The following MAP4 variants were observed in gnomAD, a reference collection of about 807,000 sequenced individuals.
MAP4 encodes microtubule associated protein 4, also known as microtubule-associated protein 4.
MAP4 carries 76 observed loss-of-function variants against 170.2 expected under a neutral mutation model. The ratio of observed to expected loss-of-function variants is 0.45; its 90% CI spans 0.37 to 0.54. MAP4 has a LOEUF of 0.54. Ranked by LOEUF, MAP4 falls within the 20% of genes least tolerant of loss-of-function variation. MAP4 has a pLI of 0.00. For missense variants in MAP4, 2,506 were observed against 2,748.0 expected (o/e 0.91, Z 1.97); for synonymous variants, 909 against 994.5 (o/e 0.91, Z 1.62).
At position 47,960,254 on chromosome 3, in the gene MAP4, T is replaced by C. The variant is rs376703446; in HGVS notation, c.292+17611A>G. ...TAGTTTTGTTTTTCTTTTTTCATCT[T>C]ATTCAGTATATTTCAGGCTATTCAG... On this transcript the variant is annotated intron_variant, in intron 3 of 20. Transcript: ENST00000683076. 8 of 205,164 alleles carry C rather than the reference T, an allele frequency of 3.9e-5. No homozygotes were observed. In the East Asian group the frequency reaches 6.7e-4, roughly 17 times the overall value. The allele number at this position is 205,164 out of a possible 1,614,324, so 12.7% of individuals were successfully genotyped here.
chr3:47,852,958 G>A lies in MAP4; in HGVS notation c.6887-20C>T, dbSNP rs1034436271. On this transcript the variant is annotated intron_variant, in intron 20 of 20. Coordinates refer to ENST00000683076, the MANE Select transcript of MAP4 (RefSeq NM_001385682.1). Reference sequence around the variant, plus strand: ...CTCAATCTGCAGTGACATGGGAGGAGGGAAGGGAGAGGGGAACAGGGGAGA... The same window carrying A: ...CTCAATCTGCAGTGACATGGGAGGAAGGAAGGGAGAGGGGAACAGGGGAGA... 6 of 1,613,916 alleles carry A rather than the reference G, an allele frequency of 3.7e-6. No homozygotes were observed. The highest frequency in any genetic ancestry group is 3.3e-5 in the Admixed American group (2 of 60,000).
intron 17 of MAP4, among the ~76,000 whole-genome samples, chr3:47,862,978 T>G (rs2070506926): frequency 6.6e-6 from 1 of 151,990 alleles, no homozygotes; most frequent in African/African-American, 2.4e-5. Flanking sequence ...TTTTTTTTTT[T>G]TGGTTTTTGT....
At position 47,871,032 on chromosome 3, in the gene MAP4, G is replaced by A. The variant is rs774341413; in HGVS notation, c.6075C>T (p.Pro2025=). The change falls in exon 15 of 21, where the codon CCC becomes CCT. Residue 2025 remains proline, a synonymous_variant. Coordinates refer to ENST00000683076, the MANE Select transcript of MAP4 (RefSeq NM_001385682.1). ...KKTTTLSGTA[P]AAGVVPSRVK... ...CTCGGCTGGGAACCACCCCTGCAGCGGGGGCTGTCCCACTGAGAGTGGTGG... is the reference window on the plus strand; with the variant it reads ...CTCGGCTGGGAACCACCCCTGCAGCAGGGGCTGTCCCACTGAGAGTGGTGG... 3.2e-5 allele frequency: 51 copies of A among 1,613,838 alleles called. No individual in the cohort carries two copies. The highest frequency in any genetic ancestry group is 6.7e-5 in the Admixed American group (4 of 59,990).
intron 3 of MAP4, among the ~76,000 whole-genome samples, chr3:47,933,595 G>A (rs1577892230): frequency 7.2e-6 from 1 of 138,980 alleles, no homozygotes; most frequent in South Asian, 2.3e-4. Context: ...ATGCCATCCT[G>A]CCCAGCTTTT....
chr3:47,974,500 T>C, intron 3 of MAP4: 1 of 984,212 alleles, frequency 1.0e-6, no homozygotes, highest in East Asian at 1.1e-4. Flanking sequence ...TGAAATAATC[T>C]GTACCTTGGG....
At chr3:47,980,099 T>C (rs1195588394) in intron 2 of MAP4, among the ~76,000 whole-genome samples, 4 of 152,138 alleles carry the variant, frequency 2.6e-5, no homozygotes, top group Admixed American at 2.6e-4. Context: ...TCCCAAAGTG[T>C]TGGTATTACA....
At chr3:48,071,929 A>T (rs1411215385) in intron 1 of MAP4, among the ~76,000 whole-genome samples, 3 of 151,366 alleles carry the variant, frequency 2.0e-5, no homozygotes, top group Non-Finnish European at 2.9e-5. Context: ...AAAAATAAAT[A>T]AATTAATGAG....
At position 47,918,783 on chromosome 3, in the gene MAP4, G is replaced by C; in HGVS notation, c.588C>G (p.Asn196Lys). 1 of 1,611,076 alleles carries C rather than the reference G, an allele frequency of 6.2e-7. No individual in the cohort carries two copies. Among genetic ancestry groups the C allele is most frequent in the Non-Finnish European group, 8.5e-7 (1 of 1,177,188 alleles). Reference sequence around the variant, plus strand: ...AAACAAAGGACTCTGAGTGTGGAGAGTTTAAGGCTTCCACAGACCACCCCT... The same window carrying C: ...AAACAAAGGACTCTGAGTGTGGAGACTTTAAGGCTTCCACAGACCACCCCT... ...VPQGWSVEAL[N>K]SPHSESFVSP... Residue 196 changes from asparagine to lysine, a missense_variant, in exon 6 of 21, where the codon AAC becomes AAG. Transcript: ENST00000683076.
chr3:48,047,490 C>G (rs2100125203), intron 1 of MAP4, among the ~76,000 whole-genome samples: 1 of 152,060 alleles, frequency 6.6e-6, no homozygotes, highest in Admixed American at 6.6e-5. Context: ...TGGCTGAAAG[C>G]AGGGTATCAA....
intron 1 of MAP4, among the ~76,000 whole-genome samples, chr3:48,042,469 A>G (rs2100122130): frequency 6.6e-6 from 1 of 152,254 alleles, no homozygotes; most frequent in Non-Finnish European, 1.5e-5. Flanking sequence ...TTAAAAATGA[A>G]CAAAGAATCT....
chr3:47,925,333 C>A (rs1243848562), intron 4 of MAP4, among the ~76,000 whole-genome samples: 1 of 152,056 alleles, frequency 6.6e-6, no homozygotes, highest in African/African-American at 2.4e-5. Flanking sequence ...TTTTCCTACT[C>A]AAAATTGGTC....
chr3:47,898,459 G>A lies in MAP4; in HGVS notation c.5434+4491C>T, dbSNP rs188298330. On this transcript the variant is annotated intron_variant, in intron 10 of 20. Transcript: ENST00000683076. ...AGAGGTTGCAGTGAGCTGAGATCGCGCCACTGCACTCCAGCCTGCCAACAG... is the reference window on the plus strand; with the variant it reads ...AGAGGTTGCAGTGAGCTGAGATCGCACCACTGCACTCCAGCCTGCCAACAG... Among the ~76,000 whole-genome samples the A allele has an allele frequency of 1.4e-4, 21 of 149,674 alleles. 1 individual carries two copies. The East Asian group carries it at 3.3e-3, about 24-fold the overall frequency.
At chr3:47,976,015 C>T (rs1578627969) in intron 3 of MAP4, among the ~76,000 whole-genome samples, 1 of 152,280 alleles carries the variant, frequency 6.6e-6, no homozygotes, top group Middle Eastern at 3.4e-3. Context: ...GTCTCAAACT[C>T]CCAACCTCAG....
chr3:47,962,483 T>C (rs2100072191), intron 3 of MAP4, among the ~76,000 whole-genome samples: 1 of 152,200 alleles, frequency 6.6e-6, no homozygotes, highest in African/African-American at 2.4e-5. Context: ...AATTTGTTAT[T>C]TCTTTGTGTA....
At chr3:47,974,018 T>C in intron 3 of MAP4, 1 of 985,468 alleles carries the variant, frequency 1.0e-6, no homozygotes, top group Non-Finnish European at 1.2e-6. Flanking sequence ...CAGACCCCTG[T>C]AGAAGAGGGA....
intron 16 of MAP4, among the ~76,000 whole-genome samples, chr3:47,868,871 G>A (rs902442112): frequency 3.3e-5 from 5 of 152,204 alleles, no homozygotes; most frequent in African/African-American, 9.7e-5. Flanking sequence ...TCTTGATAAC[G>A]AATGTGGGTG....
At chr3:48,077,181 G>A (rs1452562234) in intron 1 of MAP4, among the ~76,000 whole-genome samples, 1 of 151,758 alleles carries the variant, frequency 6.6e-6, no homozygotes, top group African/African-American at 2.4e-5. Flanking sequence ...GGTGGCTCAC[G>A]CCTGTAATCC....
intron 1 of MAP4, among the ~76,000 whole-genome samples, chr3:48,050,615 A>C (rs1369133988): frequency 6.6e-6 from 1 of 151,828 alleles, no homozygotes; most frequent in Non-Finnish European, 1.5e-5. Flanking sequence ...AAAAAAAAAA[A>C]AAAACTATAG....
At chr3:47,988,447 G>T (rs1031116391) in intron 2 of MAP4, among the ~76,000 whole-genome samples, 2 of 152,154 alleles carry the variant, frequency 1.3e-5, no homozygotes, top group African/African-American at 2.4e-5. Context: ...CATAGGTGAG[G>T]AGGAAATATG....
Sources: allele counts gnomAD v4.1 joint callset (sites outside exome capture counted in the v4.1 genomes callset), GRCh38; gene constraint gnomAD v4.1.1; transcripts MANE v1.5; gene names NCBI Gene and HGNC (gene_info 2026-07-23, HGNC 2026-07-21).